The following TTC17 variants were observed in gnomAD, a reference collection of about 807,000 sequenced individuals.
TTC17 encodes tetratricopeptide repeat protein 17.
In TTC17, 58 loss-of-function variants were observed where a neutral mutation model predicts 143.8. The ratio of observed to expected loss-of-function variants is 0.40; its 90% CI spans 0.33 to 0.50. The LOEUF (loss-of-function observed/expected upper bound fraction) is 0.50, where lower values mean the gene tolerates loss of function less well. TTC17 is among the 20% of genes least tolerant of loss of function. The pLI, the probability that TTC17 is intolerant of heterozygous loss-of-function variation, is 0.49. For missense variants in TTC17, 1,273 were observed against 1,392.5 expected (o/e 0.91, Z 1.37); for synonymous variants, 501 against 497.8 (o/e 1.01, Z -0.09).
At position 43,358,939 on chromosome 11, in the gene TTC17, C is replaced by A. The variant is rs769699039; in HGVS notation, c.-16C>A. ...GCTTCCGCTTCCGGTGTGAGCGGCC[C>A]GGCCGGGGGGGCAAGATGGCGGCGG... On this transcript the variant is annotated 5_prime_UTR_variant, in exon 1 of 24. Coordinates refer to ENST00000039989, the MANE Select transcript of TTC17 (RefSeq NM_018259.6). 3 of 1,563,682 alleles carry A rather than the reference C, an allele frequency of 1.9e-6. No individual in the cohort carries two copies. Among genetic ancestry groups the A allele is most frequent in the African/African-American group, 2.8e-5 (2 of 71,294 alleles).
chr11:43,436,288 C>T lies in TTC17; in HGVS notation c.2252-7037C>T, dbSNP rs1467402057. The T allele has an allele frequency of 2.2e-6, 3 of 1,347,148 alleles. No individual in the cohort carries two copies. In the African/African-American group the frequency reaches 4.5e-5, roughly 20 times the overall value. 83.4% of individuals were successfully genotyped at this position (1,347,148 alleles called of 1,614,324 possible). ...GAGGAACAGAGGAGGACCCTGTATT[C>T]TCTGTTGAGAATTCAGGGAGGGACT... On this transcript the variant is annotated intron_variant, in intron 16 of 23. Coordinates refer to ENST00000039989, the MANE Select transcript of TTC17 (RefSeq NM_018259.6).
In TTC17 at chr11:43,389,689, A is replaced by G; in HGVS notation, c.287A>G (p.Asn96Ser). The part of the protein sequence containing the change: ...LVAQKIHIEE[N>S]EDRDTGLEQR... Reference sequence around the variant, plus strand: ...GCTCAAAAAATTCACATAGAAGAGAATGAGGACAGAGACACAGGACTGGAA... The same window carrying G: ...GCTCAAAAAATTCACATAGAAGAGAGTGAGGACAGAGACACAGGACTGGAA... Residue 96 changes from asparagine to serine, a missense_variant, in exon 3 of 24, where the codon AAT (asparagine) becomes AGT (serine). Coordinates refer to ENST00000039989, the MANE Select transcript of TTC17 (RefSeq NM_018259.6). The G allele has an allele frequency of 1.9e-6, 3 of 1,611,844 alleles. No homozygotes were observed. The highest frequency in any genetic ancestry group is 2.5e-6 in the Non-Finnish European group (3 of 1,179,324).
intron 10 of TTC17, among the ~76,000 whole-genome samples, chr11:43,403,372 C>A (rs1375112770): frequency 1.3e-5 from 2 of 152,172 alleles, no homozygotes; most frequent in Non-Finnish European, 2.9e-5. Context: ...CTACCCCATC[C>A]CATCCCCAGT....
intron 1 of TTC17, 141 bp downstream of exon 1, chr11:43,359,254 C>T (rs1373632534): frequency 9.3e-7 from 1 of 1,079,230 alleles, no homozygotes; most frequent in African/African-American, 1.7e-5. Flanking sequence ...ACCTCGGACT[C>T]CCTGCATTCG....
At chr11:43,420,659 T>C (rs1946880584) in intron 16 of TTC17, among the ~76,000 whole-genome samples, 1 of 152,222 alleles carries the variant, frequency 6.6e-6, no homozygotes, top group African/African-American at 2.4e-5. Flanking sequence ...TTTTGGTTTT[T>C]ATAAGAACTT....
Position 43,493,893 on chromosome 11 carries a change from C to T in TTC17, c.3415C>T (p.Arg1139Cys), listed in dbSNP as rs1002140434. The T allele has an allele frequency of 7.5e-6, 12 of 1,610,150 alleles. No individual in the cohort carries two copies. The highest frequency in any genetic ancestry group is 2.2e-5 in the East Asian group (1 of 44,774). Residue 1139 changes from arginine to cysteine, a missense_variant, in exon 24 of 24, where the codon CGC (arginine) becomes TGC (cysteine). By Grantham distance (180) the Arg-to-Cys change is radical. Around this residue, in one of 3 missense-constraint regions of TTC17, gnomAD observed 878 missense variants for 899.8 expected, o/e 0.98. Coordinates refer to ENST00000039989, the MANE Select transcript of TTC17 (RefSeq NM_018259.6). Reference protein sequence around the residue: ...QCHLMLKKGRRSP With the variant: ...QCHLMLKKGRCSP Reference sequence around the variant, plus strand: ...TCACTTAATGCTGAAGAAGGGACGGCGCTCTCCTTAGTGCACTTCTTCCTT... The same window carrying T: ...TCACTTAATGCTGAAGAAGGGACGGTGCTCTCCTTAGTGCACTTCTTCCTT...
In TTC17 at chr11:43,421,791, C is replaced by T. The variant is rs186630517; in HGVS notation, c.2251+7015C>T. ...TTCATCATATGTTATAATGTAATAA[C>T]GAAGTGCACAAAACATGTAATGTGC... On this transcript the variant is annotated intron_variant, in intron 16 of 23. Coordinates refer to ENST00000039989, the MANE Select transcript of TTC17 (RefSeq NM_018259.6). Among the ~76,000 whole-genome samples the T allele has an allele frequency of 1.8e-4, 27 of 152,278 alleles. No homozygotes were observed. In the East Asian group the frequency reaches 5.0e-3, roughly 28 times the overall value.
At chr11:43,476,080 G>C (rs1948179453) in intron 21 of TTC17, among the ~76,000 whole-genome samples, 1 of 152,164 alleles carries the variant, frequency 6.6e-6, no homozygotes, top group African/African-American at 2.4e-5. Context: ...GTACTAATAA[G>C]CACCTTTAGT....
intron 16 of TTC17, among the ~76,000 whole-genome samples, chr11:43,433,732 G>A (rs898790459): frequency 6.6e-6 from 1 of 152,202 alleles, no homozygotes; most frequent in Non-Finnish European, 1.5e-5. Flanking sequence ...CAAATGTTGA[G>A]GGAGGAAATC....
At chr11:43,399,371 T>A (rs933812558) in intron 8 of TTC17, among the ~76,000 whole-genome samples, 2 of 152,202 alleles carry the variant, frequency 1.3e-5, no homozygotes, top group Admixed American at 6.5e-5. Context: ...TTTGATGTCA[T>A]GATAGTTGTA....
At position 43,407,472 on chromosome 11, in the gene TTC17, C is replaced by G; in HGVS notation, c.1959C>G (p.Tyr653Ter). ...QRALNLAPLQ[Y>*]QDVPLVNLAN... ...CTTTGAATTTAGCTCCACTTCAATACCAAGATGTTCCTCTTGTCAACTTGG... is the reference window on the plus strand; with the variant it reads ...CTTTGAATTTAGCTCCACTTCAATAGCAAGATGTTCCTCTTGTCAACTTGG... Residue 653 changes from tyrosine to a stop codon, truncating the protein, a stop_gained, in exon 15 of 24, where the codon TAC becomes TAG. Coordinates refer to ENST00000039989, the MANE Select transcript of TTC17 (RefSeq NM_018259.6). LOFTEE classifies it high-confidence loss of function. 1 of 1,614,000 alleles carries G rather than the reference C, an allele frequency of 6.2e-7. No homozygotes were observed. Among genetic ancestry groups the G allele is most frequent in the South Asian group, 1.1e-5 (1 of 91,070 alleles).
At chr11:43,444,721 A>C (rs1947501368) in intron 18 of TTC17, among the ~76,000 whole-genome samples, 1 of 121,704 alleles carries the variant, frequency 8.2e-6, no homozygotes, top group South Asian at 2.9e-4. Flanking sequence ...CACCAAATAC[A>C]TACACACACA....
At chr11:43,400,816 A>G (rs1857820053) in intron 9 of TTC17, among the ~76,000 whole-genome samples, 1 of 152,198 alleles carries the variant, frequency 6.6e-6, no homozygotes, top group South Asian at 2.1e-4. Flanking sequence ...GGTTATATCT[A>G]GAATGTTTTG....
At chr11:43,447,905 A>T in intron 18 of TTC17, 97 bp from the exon 19 acceptor site, 1 of 1,488,866 alleles carries the variant, frequency 6.7e-7, no homozygotes, top group South Asian at 1.3e-5. Flanking sequence ...AGCACCTCCA[A>T]ATACACCAAT....
At chr11:43,420,522 A>G (rs914768516) in intron 16 of TTC17, among the ~76,000 whole-genome samples, 3 of 152,176 alleles carry the variant, frequency 2.0e-5, no homozygotes, top group Admixed American at 1.3e-4. Context: ...TTGCATCATT[A>G]GATTGCCACA....
chr11:43,368,328 A>G (rs1590306964), intron 1 of TTC17, among the ~76,000 whole-genome samples: 1 of 152,150 alleles, frequency 6.6e-6, no homozygotes, highest in Non-Finnish European at 1.5e-5. Context: ...CCAACTGCCT[A>G]CTGAACATCA....
intron 1 of TTC17, among the ~76,000 whole-genome samples, chr11:43,368,047 A>G (rs1159991565): frequency 6.6e-6 from 1 of 152,206 alleles, no homozygotes; most frequent in African/African-American, 2.4e-5. Context: ...TTACACCTGT[A>G]ATAGCTCTTA....
At chr11:43,393,362 T>C (rs1211469252) in intron 5 of TTC17, among the ~76,000 whole-genome samples, 1 of 152,066 alleles carries the variant, frequency 6.6e-6, no homozygotes, top group African/African-American at 2.4e-5. Flanking sequence ...CTATTATTGG[T>C]TTATTGTAAA....
At chr11:43,450,815 A>G (rs1261871556) in intron 20 of TTC17, among the ~76,000 whole-genome samples, 1 of 152,220 alleles carries the variant, frequency 6.6e-6, no homozygotes, top group Non-Finnish European at 1.5e-5. Flanking sequence ...TGAGAAAAAA[A>G]TGTACATAGA....
Sources: allele counts gnomAD v4.1 joint callset (sites outside exome capture counted in the v4.1 genomes callset), GRCh38; gene constraint gnomAD v4.1.1; regional missense constraint gnomAD v4.1.1; transcripts MANE v1.5; gene names NCBI Gene and HGNC (gene_info 2026-07-23, HGNC 2026-07-21).